The following ZHX2 variants were observed in gnomAD, a reference collection of about 807,000 sequenced individuals.
ZHX2 encodes zinc fingers and homeoboxes 2.
A neutral mutation model predicts 21.9 loss-of-function variants in ZHX2; 6 were observed. The ratio of observed to expected loss-of-function variants is 0.27; its 90% CI spans 0.15 to 0.54. ZHX2 has a LOEUF of 0.54. ZHX2 is among the 20% of genes least tolerant of loss of function. The pLI is 0.95. For synonymous variants in ZHX2, 434 were observed against 437.1 expected (o/e 0.99, Z 0.09); for missense variants, 908 against 1,090.7 (o/e 0.83, Z 2.36).
In ZHX2 at chr8:122,927,150, G is replaced by A. The variant is rs75917281; in HGVS notation, c.-219-24142G>A. 8.4e-3 allele frequency among the ~76,000 whole-genome samples: 1,282 copies of A among 152,250 alleles called. 10 individuals are homozygous for A. Among genetic ancestry groups the A allele is most frequent in the Admixed American group, 0.013 (200 of 15,290 alleles). Reference sequence around the variant, plus strand: ...GGACTGGGTAAGCCAGTGACATAGCGAATGAATCAATAAATAGTGTTGTAT... The same window carrying A: ...GGACTGGGTAAGCCAGTGACATAGCAAATGAATCAATAAATAGTGTTGTAT... On this transcript the variant is annotated intron_variant, in intron 2 of 3. Transcript: ENST00000314393.
chr8:122,829,690 A>G (rs1682775869), intron 1 of ZHX2, among the ~76,000 whole-genome samples: 1 of 152,234 alleles, frequency 6.6e-6, no homozygotes, highest in South Asian at 2.1e-4. Context: ...TTTCTGTGAC[A>G]ACAGTTGAAA....
Position 122,951,732 on chromosome 8 carries a change from C to A in ZHX2, c.222C>A (p.Leu74=), listed in dbSNP as rs772444562. 1 of 1,614,106 alleles carries A rather than the reference C, an allele frequency of 6.2e-7. No homozygotes were observed. Among genetic ancestry groups the A allele is most frequent in the Non-Finnish European group, 8.5e-7 (1 of 1,180,024 alleles). ...TGGGGGAAAGCCAGTCCAAAAAACT[C>A]CAAGGTGGTTATGAGTGCAAATACT... ...KSMGESQSKK[L]QGGYECKYCP... Residue 74 remains leucine (L), a synonymous_variant, in exon 3 of 4, where the codon CTC becomes CTA. Coordinates refer to ENST00000314393, the MANE Select transcript of ZHX2 (RefSeq NM_014943.5).
intron 1 of ZHX2, chr8:122,816,341 T>G (rs1818034040): frequency 6.6e-6 from 1 of 152,226 alleles, no homozygotes; most frequent in Admixed American, 6.5e-5. Flanking sequence ...AAAAAATTCA[T>G]GTGACTCACT....
At position 122,953,797 on chromosome 8, in the gene ZHX2, A is replaced by G; in HGVS notation, c.2287A>G (p.Lys763Glu). The G allele has an allele frequency of 6.2e-7, 1 of 1,614,254 alleles. No homozygotes were observed. The highest frequency in any genetic ancestry group is 8.5e-7 in the Non-Finnish European group (1 of 1,180,040). The change falls in exon 3 of 4, where the codon AAG becomes GAG. Residue 763 changes from lysine (K) to glutamate (E), a missense_variant. Lys to Glu is a moderately conservative substitution (Grantham distance 56). Transcript: ENST00000314393. This position sits in a 1 kb window ranked among gnomAD's most constrained non-coding sequence, Gnocchi z 4.6. ...SEPAKDCLPA[K>E]PSEATSDRSE... ...GCCAGCAAAAGACTGTTTGCCAGCA[A>G]AGCCCTCAGAGGCCACCTCAGACCG...
At chr8:122,850,669 A>C in intron 1 of ZHX2, among the ~76,000 whole-genome samples, 2 of 146,642 alleles carry the variant, frequency 1.4e-5, no homozygotes, top group South Asian at 2.2e-4. Context: ...TGCCACCACT[A>C]CCTCCCACAT....
chr8:122,808,535 A>G (rs1276507208), intron 1 of ZHX2, among the ~76,000 whole-genome samples: 2 of 152,134 alleles, frequency 1.3e-5, no homozygotes, highest in Non-Finnish European at 1.5e-5. Flanking sequence ...TGATTCAGTT[A>G]CCTCCCACCA....
intron 1 of ZHX2, among the ~76,000 whole-genome samples, chr8:122,861,788 G>C (rs2130773581): frequency 6.6e-6 from 1 of 152,276 alleles, no homozygotes; most frequent in East Asian, 1.9e-4. Context: ...CCCTTAAAAA[G>C]TAAGGAGCTG....
chr8:122,867,505 GT>G (rs1819327957), intron 2 of ZHX2, among the ~76,000 whole-genome samples: 1 of 152,164 alleles, frequency 6.6e-6, no homozygotes, highest in African/African-American at 2.4e-5. Context: ...GAAGCAGTGT[GT>G]TTTTTGAATA....
chr8:122,927,611 A>G (rs1490786432), intron 2 of ZHX2, among the ~76,000 whole-genome samples: 3 of 152,202 alleles, frequency 2.0e-5, no homozygotes, highest in Admixed American at 1.3e-4. Flanking sequence ...GACATCTTAC[A>G]TGGCGGCAGG....
chr8:122,969,231 G>A (rs1016733143), intron 3 of ZHX2, among the ~76,000 whole-genome samples: 3 of 152,098 alleles, frequency 2.0e-5, no homozygotes, highest in African/African-American at 7.2e-5. Context: ...TGTTGACCAG[G>A]GGATGGGGCA....
At chr8:122,929,630 G>A (rs1426629021) in intron 2 of ZHX2, among the ~76,000 whole-genome samples, 1 of 146,608 alleles carries the variant, frequency 6.8e-6, no homozygotes. Context: ...GTGACAGCGA[G>A]ACCATGTCTT....
chr8:122,962,744 A>G (rs1198771058), intron 3 of ZHX2, among the ~76,000 whole-genome samples: 1 of 152,220 alleles, frequency 6.6e-6, no homozygotes, highest in Non-Finnish European at 1.5e-5. Flanking sequence ...TTCCACCAGC[A>G]TTGTAAAAGT....
At chr8:122,945,411 C>A (rs71514790) in intron 2 of ZHX2, among the ~76,000 whole-genome samples, 1 of 118,626 alleles carries the variant, frequency 8.4e-6, no homozygotes, top group African/African-American at 3.4e-5. Flanking sequence ...CTGATCATTT[C>A]TCTTTTATAT....
intron 2 of ZHX2, among the ~76,000 whole-genome samples, chr8:122,878,344 T>G (rs1819618251): frequency 6.6e-6 from 1 of 152,244 alleles, no homozygotes. Context: ...AGGGTTCAGT[T>G]GATCTCAGTT....
At chr8:122,801,890 C>T (rs1817728233) in intron 1 of ZHX2, among the ~76,000 whole-genome samples, 2 of 152,168 alleles carry the variant, frequency 1.3e-5, no homozygotes, top group African/African-American at 4.8e-5. Context: ...AACTTTTCTA[C>T]GATTCTGGAA....
chr8:122,800,441 G>A (rs1728011497), intron 1 of ZHX2, among the ~76,000 whole-genome samples: 1 of 152,316 alleles, frequency 6.6e-6, no homozygotes, highest in Non-Finnish European at 1.5e-5. Flanking sequence ...TGCAAAGACT[G>A]GAAGGGAGTA....
rs1012626860 is a variant in ZHX2 at position 122,952,218 on chromosome 8, A to G, written c.708A>G (p.Gln236=). 5 of 1,613,752 alleles carry G rather than the reference A, an allele frequency of 3.1e-6. No individual in the cohort carries two copies. In the African/African-American group the frequency reaches 6.7e-5, roughly 22 times the overall value. ...LSRLGGVELL[Q]DTLGHVMPSV... is the part of the protein sequence containing the mutation. Reference sequence around the variant, plus strand: ...GACTCGGCGGGGTGGAGCTCCTCCAAGACACATTAGGACACGTCATGCCTT... The same window carrying G: ...GACTCGGCGGGGTGGAGCTCCTCCAGGACACATTAGGACACGTCATGCCTT... The change falls in exon 3 of 4, where the codon CAA becomes CAG. Residue 236 remains glutamine, a synonymous_variant. Transcript: ENST00000314393. The surrounding 1 kb of genome is among the most constrained non-coding windows in gnomAD (Gnocchi z 6.9).
Position 122,828,340 on chromosome 8 carries a change from G to A in ZHX2, c.-282-35137G>A, listed in dbSNP as rs1324779186. 6.6e-6 allele frequency among the ~76,000 whole-genome samples: 1 copy of A among 152,198 alleles called. No homozygotes were observed. The highest frequency in any genetic ancestry group is 1.5e-5 in the Non-Finnish European group (1 of 68,028). On this transcript the variant is annotated intron_variant, in intron 1 of 3. Transcript: ENST00000314393. This position sits in a 1 kb window ranked among gnomAD's most constrained non-coding sequence, Gnocchi z 5.2. ...ATCTGTACAGTGCATGTGCGTGTGT[G>A]TGTTAGTGATATGGAGGAAGAGGAT...
intron 2 of ZHX2, among the ~76,000 whole-genome samples, chr8:122,939,594 T>C (rs1340877365): frequency 6.6e-6 from 1 of 152,076 alleles, no homozygotes; most frequent in African/African-American, 2.4e-5. Context: ...AACTACCTCC[T>C]CCTAACCAAC....
Sources: gnomAD v4.1 joint callset for allele counts (sites outside exome capture counted in the v4.1 genomes callset) on GRCh38, gnomAD v4.1.1 for gene constraint, Gnocchi (gnomAD v3.1) non-coding constraint, MANE v1.5 for transcripts, NCBI Gene and HGNC (gene_info 2026-07-23, HGNC 2026-07-21) for gene names.